The following MIS18A variants were observed in gnomAD, a reference collection of about 807,000 sequenced individuals.
The protein encoded by MIS18A is MIS18 kinetochore protein A, also known as protein Mis18-alpha.
In MIS18A, 14 loss-of-function variants were observed where a neutral mutation model predicts 25.0. That is an observed-to-expected ratio of 0.56 (90% confidence interval 0.37 to 0.88). The LOEUF (loss-of-function observed/expected upper bound fraction) is 0.88. Ranked by LOEUF, MIS18A falls within the 40% of genes least tolerant of loss-of-function variation. The pLI is 0.00. For synonymous variants in MIS18A, 134 were observed against 118.6 expected (o/e 1.13, Z -0.84); for missense variants, 292 against 290.8 (o/e 1.00, Z -0.03).
the MIS18A span, among the ~76,000 whole-genome samples, chr21:32,201,218 G>A: frequency 1.8e-4 from 27 of 152,012 alleles, no homozygotes; most frequent in Admixed American, 5.9e-4. Context: ...GAGGGCACTA[G>A]CCACTCATGG....
chr21:32,170,749 C>T, the MIS18A span, among the ~76,000 whole-genome samples: 6 of 151,772 alleles, frequency 4.0e-5, no homozygotes, highest in South Asian at 2.1e-4. Context: ...TACTAGTGAA[C>T]GAAATCAAGC....
At chr21:32,184,289 A>G in the MIS18A span, among the ~76,000 whole-genome samples, 2 of 152,356 alleles carry the variant, frequency 1.3e-5, no homozygotes, top group East Asian at 3.9e-4. Context: ...TTTCAAAGAC[A>G]TCATCAGGAG....
chr21:32,222,289 A>C, the MIS18A span, among the ~76,000 whole-genome samples: 1 of 152,214 alleles, frequency 6.6e-6, no homozygotes, highest in Non-Finnish European at 1.5e-5. Flanking sequence ...CAGATTCACA[A>C]AGCAAGTTTT....
At chr21:32,207,475 G>A in the MIS18A span, among the ~76,000 whole-genome samples, 1 of 152,170 alleles carries the variant, frequency 6.6e-6, no homozygotes, top group Non-Finnish European at 1.5e-5. Context: ...AGATTTTAAA[G>A]GTACTGCACC....
chr21:32,156,215 C>A, the MIS18A span, among the ~76,000 whole-genome samples: 1 of 152,148 alleles, frequency 6.6e-6, no homozygotes, highest in Non-Finnish European at 1.5e-5. Context: ...CAGCTCCTTA[C>A]AATTAGTTCT....
At chr21:32,234,471 GT>G in the MIS18A span, among the ~76,000 whole-genome samples, 1 of 152,188 alleles carries the variant, frequency 6.6e-6, no homozygotes, top group Non-Finnish European at 1.5e-5. Flanking sequence ...CTGCTTCTGA[GT>G]CCTTAGGAAA....
At chr21:32,266,568 C>T (rs927111997), downstream of MIS18A, among the ~76,000 whole-genome samples, 89 of 152,116 alleles carry the variant, frequency 5.9e-4, no homozygotes, top group African/African-American at 2.0e-3. Context: ...ACTAGCCCAC[C>T]GGGAGGAACG....
chr21:32,243,111 A>C, the MIS18A span, among the ~76,000 whole-genome samples: 1 of 152,370 alleles, frequency 6.6e-6, no homozygotes, highest in East Asian at 1.9e-4. Flanking sequence ...AAAAAATTCA[A>C]AATAGATCAC....
the MIS18A span, among the ~76,000 whole-genome samples, chr21:32,158,391 T>A: frequency 6.6e-6 from 1 of 152,212 alleles, no homozygotes; most frequent in African/African-American, 2.4e-5. Context: ...TGTAATAAAA[T>A]CTTGTTTTAA....
the MIS18A span, among the ~76,000 whole-genome samples, chr21:32,229,763 T>TA: frequency 4.6e-5 from 7 of 152,216 alleles, no homozygotes; most frequent in African/African-American, 1.7e-4. Context: ...AATATGTATT[T>TA]AATCTTCTGT....
At chr21:32,273,402 C>T (rs1313104886) in intron 2 of MIS18A, among the ~76,000 whole-genome samples, 1 of 152,114 alleles carries the variant, frequency 6.6e-6, no homozygotes, top group Non-Finnish European at 1.5e-5. Flanking sequence ...CTTGGTCCTT[C>T]TGGCCCCCAA....
chr21:32,194,877 T>A, the MIS18A span, among the ~76,000 whole-genome samples: 7 of 152,006 alleles, frequency 4.6e-5, no homozygotes, highest in South Asian at 1.2e-3. Flanking sequence ...ATAACACACA[T>A]TGCAAATTCC....
At chr21:32,262,555 C>T in the MIS18A span, among the ~76,000 whole-genome samples, 3 of 151,746 alleles carry the variant, frequency 2.0e-5, no homozygotes, top group African/African-American at 4.9e-5. Context: ...TATCCCATTT[C>T]CTCAGATCCA....
the MIS18A span, among the ~76,000 whole-genome samples, chr21:32,234,253 G>T: frequency 4.6e-5 from 7 of 152,196 alleles, no homozygotes. Context: ...GACCAGAGGT[G>T]GTTGGAGCGG....
chr21:32,172,335 G>A, the MIS18A span, among the ~76,000 whole-genome samples: 2 of 152,004 alleles, frequency 1.3e-5, no homozygotes, highest in Non-Finnish European at 2.9e-5. Context: ...AGAGATATCC[G>A]TGCTTCCGTG....
intron 3 of MIS18A, 25 bp from the exon 4 acceptor site, chr21:32,269,828 T>C (rs993021060): frequency 7.1e-7 from 1 of 1,404,198 alleles, no homozygotes; most frequent in Non-Finnish European, 1.0e-6. Context: ...AAGGTTAAAA[T>C]ACAAGCTGGG....
the MIS18A span, among the ~76,000 whole-genome samples, chr21:32,257,212 T>C: frequency 5.1e-4 from 78 of 152,344 alleles, no homozygotes; most frequent in African/African-American, 1.6e-3. Context: ...GAAATGACTA[T>C]AGCAAGACAT....
At chr21:32,181,859 T>C in the MIS18A span, among the ~76,000 whole-genome samples, 4 of 152,130 alleles carry the variant, frequency 2.6e-5, no homozygotes, top group African/African-American at 9.7e-5. Flanking sequence ...AAGCATGACC[T>C]CAGAAGGTAG....
At chr21:32,219,545 G>A in the MIS18A span, among the ~76,000 whole-genome samples, 2 of 152,172 alleles carry the variant, frequency 1.3e-5, no homozygotes, top group East Asian at 3.8e-4. Flanking sequence ...ACAAAACTGG[G>A]CAGCCATTTG....
Sources: allele counts gnomAD v4.1 joint callset (sites outside exome capture counted in the v4.1 genomes callset), GRCh38; gene constraint gnomAD v4.1.1; transcripts MANE v1.5; gene names NCBI Gene and HGNC (gene_info 2026-07-23, HGNC 2026-07-21).